Variants in RORA observed in about 807,000 individuals in gnomAD.
RORA encodes the protein RAR related orphan receptor A.
A neutral mutation model predicts 69.5 loss-of-function variants in RORA; 7 were observed. The observed-to-expected ratio is 0.10, with a 90% CI of 0.06 to 0.19. The LOEUF is 0.19. Among genes scored for constraint, RORA ranks in the 10% least tolerant of loss-of-function variants. The probability of loss-of-function intolerance (pLI) is 1.00; values close to 1 mark genes in which losing one functional copy is unlikely to be tolerated. For missense variants in RORA, 457 were observed against 663.0 expected (o/e 0.69, Z 3.41); for synonymous variants, 261 against 240.8 (o/e 1.08, Z -0.78).
intron 1 of RORA, among the ~76,000 whole-genome samples, chr15:60,936,866 C>T (rs1892539569): frequency 6.6e-6 from 1 of 152,130 alleles, no homozygotes; most frequent in Non-Finnish European, 1.5e-5. Context: ...TCTGTAAAAC[C>T]ATTCAAATCA....
At chr15:60,816,774 A>T (rs1199945047) in intron 1 of RORA, among the ~76,000 whole-genome samples, 1 of 151,980 alleles carries the variant, frequency 6.6e-6, no homozygotes, top group Non-Finnish European at 1.5e-5. Context: ...GTAGTGTTGA[A>T]GTCTCCAGCT....
At chr15:60,557,560 T>C (rs1425089947) in intron 2 of RORA, among the ~76,000 whole-genome samples, 2 of 152,238 alleles carry the variant, frequency 1.3e-5, no homozygotes, top group Non-Finnish European at 2.9e-5. Flanking sequence ...GGAGGCATTA[T>C]AAACATAGGA....
intron 1 of RORA, among the ~76,000 whole-genome samples, chr15:60,939,474 T>C (rs1211776132): frequency 6.6e-6 from 1 of 152,180 alleles, no homozygotes; most frequent in East Asian, 1.9e-4. Flanking sequence ...GCCAGGCTGG[T>C]CCTGAGGTAC....
At chr15:60,591,766 G>C (rs1286096973) in intron 2 of RORA, among the ~76,000 whole-genome samples, 2 of 152,102 alleles carry the variant, frequency 1.3e-5, no homozygotes, top group Non-Finnish European at 2.9e-5. Flanking sequence ...GTCTCGCTCC[G>C]GCCCGCGCGC....
At chr15:61,165,348 C>T (rs2079532203) in intron 1 of RORA, among the ~76,000 whole-genome samples, 1 of 152,200 alleles carries the variant, frequency 6.6e-6, no homozygotes, top group African/African-American at 2.4e-5. Flanking sequence ...TCAAAAGTGG[C>T]TGTGTGTATC....
chr15:60,967,932 T>C (rs1893601585), intron 1 of RORA, among the ~76,000 whole-genome samples: 1 of 152,162 alleles, frequency 6.6e-6, no homozygotes, highest in Admixed American at 6.5e-5. Flanking sequence ...GAGCCCCTTA[T>C]CAAACTCCCA....
At chr15:60,793,769 G>A (rs1332232571) in intron 1 of RORA, among the ~76,000 whole-genome samples, 4 of 152,338 alleles carry the variant, frequency 2.6e-5, no homozygotes, top group South Asian at 2.1e-4. Flanking sequence ...ATTTGCCACA[G>A]AGATGGACTT....
intron 10 of RORA, among the ~76,000 whole-genome samples, chr15:60,499,340 T>C (rs750458392): frequency 4.6e-5 from 7 of 152,140 alleles, no homozygotes; most frequent in Admixed American, 6.6e-5. Flanking sequence ...GAGACCAGCC[T>C]GGGCAACATA....
At position 60,753,455 on chromosome 15, in the gene RORA, G is replaced by A. The variant is rs545434149; in HGVS notation, c.167-74769C>T. ...TAGGAGCTTATGTCCTAGCGGAACAGGGAAATAAAAACAGCCAGTGTGCTC... is the reference window on the plus strand; with the variant it reads ...TAGGAGCTTATGTCCTAGCGGAACAAGGAAATAAAAACAGCCAGTGTGCTC... On this transcript the variant is annotated intron_variant, in intron 1 of 10. Transcript: ENST00000335670. Among the ~76,000 whole-genome samples the A allele has an allele frequency of 7.2e-5, 11 of 152,344 alleles. No homozygotes were observed. The East Asian group carries it at 1.9e-3, about 27-fold the overall frequency.
chr15:61,191,441 G>A (rs1355420899), intron 1 of RORA, among the ~76,000 whole-genome samples: 1 of 151,948 alleles, frequency 6.6e-6, no homozygotes, highest in Non-Finnish European at 1.5e-5. Context: ...TGTGAAATGG[G>A]AAGATGACAC....
At chr15:60,898,863 A>G (rs1891307132) in intron 1 of RORA, among the ~76,000 whole-genome samples, 1 of 152,228 alleles carries the variant, frequency 6.6e-6, no homozygotes, top group Non-Finnish European at 1.5e-5. Flanking sequence ...TCTAGCATAC[A>G]GTTTTCAGGA....
intron 2 of RORA, among the ~76,000 whole-genome samples, chr15:60,559,262 G>A (rs1333269646): frequency 6.6e-6 from 1 of 152,052 alleles, no homozygotes; most frequent in Non-Finnish European, 1.5e-5. Context: ...ACACTAAATG[G>A]CCCTGGTTTT....
intron 1 of RORA, among the ~76,000 whole-genome samples, chr15:60,894,611 G>A (rs543607142): frequency 6.6e-6 from 1 of 152,236 alleles, no homozygotes; most frequent in Non-Finnish European, 1.5e-5. Flanking sequence ...TCAAACGCTA[G>A]TGTGCATCAG....
chr15:60,503,670 G>A lies in RORA; in HGVS notation c.943-3C>T, dbSNP rs1390812478. On this transcript the variant is annotated splice_polypyrimidine_tract_variant and splice_region_variant and intron_variant, in intron 6 of 10. Coordinates refer to ENST00000335670, the MANE Select transcript of RORA (RefSeq NM_134261.3). ...AATTGCCACATCACCTCCCGCTGCT[G>A]TTAAAGAGGGAAACACATTAACATC... 5.6e-6 allele frequency: 9 copies of A among 1,613,492 alleles called. No individual in the cohort carries two copies. In the Admixed American group the frequency reaches 8.3e-5, roughly 15 times the overall value.
At chr15:60,926,393 A>G (rs1384762301) in intron 1 of RORA, among the ~76,000 whole-genome samples, 1 of 152,140 alleles carries the variant, frequency 6.6e-6, no homozygotes, top group East Asian at 1.9e-4. Context: ...AGGCCCATGG[A>G]CTCAGCAGTA....
At chr15:60,954,888 GTCATCCA>G (rs2140337551) in intron 1 of RORA, among the ~76,000 whole-genome samples, 1 of 152,282 alleles carries the variant, frequency 6.6e-6, no homozygotes, top group Non-Finnish European at 1.5e-5. Flanking sequence ...CCTCTTTGCA[GTCATCCA>G]GTAATGACAG....
chr15:60,781,736 A>AC (rs2072261082), intron 1 of RORA, among the ~76,000 whole-genome samples: 9 of 152,204 alleles, frequency 5.9e-5, no homozygotes, highest in Admixed American at 5.9e-4. Context: ...CATTATTAGT[A>AC]TAATGTTAAG....
intron 1 of RORA, among the ~76,000 whole-genome samples, chr15:60,705,681 T>G (rs1484714186): frequency 6.6e-6 from 1 of 152,160 alleles, no homozygotes; most frequent in Non-Finnish European, 1.5e-5. Context: ...ATCCATCCCA[T>G]TCCCTTCACC....
At chr15:60,987,024 C>T (rs1894224685) in intron 1 of RORA, among the ~76,000 whole-genome samples, 1 of 152,178 alleles carries the variant, frequency 6.6e-6, no homozygotes, top group African/African-American at 2.4e-5. Context: ...TTCGGATGTC[C>T]AGTAATGCCA....
Sources: gnomAD v4.1 joint callset for allele counts (sites outside exome capture counted in the v4.1 genomes callset) on GRCh38, gnomAD v4.1.1 for gene constraint, MANE v1.5 for transcripts, NCBI Gene and HGNC (gene_info 2026-07-23, HGNC 2026-07-21) for gene names.